Variants in NELL1 observed in about 807,000 individuals in gnomAD.
NELL1 encodes protein kinase C-binding protein NELL1.
Under a neutral mutation model 107.4 loss-of-function variants are expected in NELL1, and 76 were observed. The observed-to-expected ratio is 0.71, with a 90% CI of 0.59 to 0.86. NELL1 has a LOEUF of 0.86. Among genes scored for constraint, NELL1 ranks in the 40% least tolerant of loss-of-function variants. The pLI, the probability that NELL1 is intolerant of heterozygous loss-of-function variation, is 0.00. For synonymous variants in NELL1, 353 were observed against 341.2 expected (o/e 1.03, Z -0.38); for missense variants, 1,024 against 1,005.5 (o/e 1.02, Z -0.25).
chr11:21,303,110 A>ATATCTATATCTATATC (rs1849532261), intron 14 of NELL1, among the ~76,000 whole-genome samples: 1 of 136,488 alleles, frequency 7.3e-6, no homozygotes, highest in Non-Finnish European at 1.6e-5. Flanking sequence ...ATCTATATCT[A>ATATCTATATCTATATC]TATCTATCTT....
chr11:21,226,247 T>C (rs890946825), intron 13 of NELL1, among the ~76,000 whole-genome samples: 2 of 152,328 alleles, frequency 1.3e-5, no homozygotes, highest in South Asian at 4.1e-4. Flanking sequence ...AGGTCATCTA[T>C]TCTCAGTAAG....
At chr11:21,444,819 A>G (rs1402318919) in intron 15 of NELL1, among the ~76,000 whole-genome samples, 1 of 151,862 alleles carries the variant, frequency 6.6e-6, no homozygotes, top group Non-Finnish European at 1.5e-5. Context: ...ACTAGCTCTT[A>G]TTTGTTCTTT....
intron 12 of NELL1, among the ~76,000 whole-genome samples, chr11:21,076,028 C>G (rs1854127290): frequency 6.6e-6 from 1 of 152,132 alleles, no homozygotes; most frequent in Non-Finnish European, 1.5e-5. Context: ...CATAACTGGA[C>G]ATTTTAACTG....
intron 3 of NELL1, among the ~76,000 whole-genome samples, chr11:20,784,211 T>C (rs565866691): frequency 3.9e-5 from 6 of 152,232 alleles, no homozygotes; most frequent in Non-Finnish European, 7.3e-5. Context: ...TGTATGATCT[T>C]CATCGCAAAG....
chr11:21,248,960 G>A (rs1200505783), intron 14 of NELL1, among the ~76,000 whole-genome samples: 1 of 152,130 alleles, frequency 6.6e-6, no homozygotes, highest in Admixed American at 6.6e-5. Flanking sequence ...TGAGGAGGAA[G>A]CCAACAGAGA....
chr11:20,896,781 G>A (rs1353201472), intron 5 of NELL1, among the ~76,000 whole-genome samples: 8 of 152,124 alleles, frequency 5.3e-5, no homozygotes, highest in South Asian at 2.1e-4. Context: ...GACAAACAGA[G>A]AGCCAAATCA....
intron 15 of NELL1, among the ~76,000 whole-genome samples, chr11:21,390,674 A>G (rs1029249898): frequency 3.3e-5 from 5 of 151,816 alleles, no homozygotes; most frequent in African/African-American, 9.7e-5. Context: ...TCTTTATTAC[A>G]CAAATGTTTG....
At chr11:21,213,671 C>G (rs555420503) in intron 13 of NELL1, among the ~76,000 whole-genome samples, 1 of 152,088 alleles carries the variant, frequency 6.6e-6, no homozygotes, top group African/African-American at 2.4e-5. Context: ...AGAATAGAGA[C>G]CCCAGAAACA....
chr11:21,063,310 A>G (rs1853787732), intron 12 of NELL1, among the ~76,000 whole-genome samples: 1 of 152,158 alleles, frequency 6.6e-6, no homozygotes, highest in African/African-American at 2.4e-5. Context: ...CCAACCAGGA[A>G]GCTCTGCTGA....
intron 12 of NELL1, among the ~76,000 whole-genome samples, chr11:21,071,360 T>C (rs1854009556): frequency 6.6e-6 from 1 of 152,184 alleles, no homozygotes; most frequent in Non-Finnish European, 1.5e-5. Flanking sequence ...TAATGCATCT[T>C]AAGCAGTTGG....
chr11:20,994,871 G>A (rs1405622361), intron 12 of NELL1, among the ~76,000 whole-genome samples: 1 of 152,166 alleles, frequency 6.6e-6, no homozygotes, highest in Admixed American at 6.5e-5. Flanking sequence ...GCAATAAAAT[G>A]TCATAAATAA....
chr11:21,116,414 T>G (rs1333396061), intron 13 of NELL1, among the ~76,000 whole-genome samples: 1 of 151,984 alleles, frequency 6.6e-6, no homozygotes, highest in African/African-American at 2.4e-5. Flanking sequence ...AATAGTATCT[T>G]TATGTCAACA....
chr11:20,722,866 G>A (rs922821495), intron 2 of NELL1, among the ~76,000 whole-genome samples: 1 of 152,070 alleles, frequency 6.6e-6, no homozygotes, highest in African/African-American at 2.4e-5. Context: ...AAAGAAAGGA[G>A]GTTTATTTGA....
Position 21,229,218 on chromosome 11 carries a change from T to C in NELL1, c.1427-114T>C, listed in dbSNP as rs556517611. 2,495 of 1,199,384 alleles carry C rather than the reference T, an allele frequency of 2.1e-3. 6 individuals are homozygous for C. The highest frequency in any genetic ancestry group is 2.8e-3 in the South Asian group (198 of 71,672). The allele number at this position is 1,199,384 out of a possible 1,614,324, so 74.3% of individuals were successfully genotyped here. On this transcript the variant is annotated intron_variant, in intron 13 of 19. Coordinates refer to ENST00000357134, the MANE Select transcript of NELL1 (RefSeq NM_006157.5). ...AACTTTTAGGCGCATAGTAAGGTAC[T>C]GACAAGTGGTAGTCACTGTCATTCT...
At chr11:20,700,703 C>A (rs184086076) in intron 2 of NELL1, among the ~76,000 whole-genome samples, 1 of 152,024 alleles carries the variant, frequency 6.6e-6, no homozygotes, top group African/African-American at 2.4e-5. Flanking sequence ...GTTCCCCACC[C>A]TGTGTCCAAG....
intron 14 of NELL1, among the ~76,000 whole-genome samples, chr11:21,281,296 G>T (rs1486589491): frequency 1.3e-5 from 2 of 152,012 alleles, no homozygotes; most frequent in African/African-American, 4.8e-5. Flanking sequence ...TGGTAATAGT[G>T]GCTGTGAGGT....
chr11:21,548,402 A>G (rs765942798), intron 16 of NELL1, among the ~76,000 whole-genome samples: 3 of 151,942 alleles, frequency 2.0e-5, no homozygotes, highest in Admixed American at 6.6e-5. Context: ...ACAGAGGTTT[A>G]ATGGAGAACT....
chr11:21,131,163 G>A (rs181159896), intron 13 of NELL1, among the ~76,000 whole-genome samples: 6 of 152,040 alleles, frequency 3.9e-5, no homozygotes, highest in South Asian at 4.2e-4. Flanking sequence ...CCACCTACCC[G>A]TTTGTTCACT....
chr11:20,878,427 C>G (rs1295535387), intron 4 of NELL1, among the ~76,000 whole-genome samples: 1 of 147,048 alleles, frequency 6.8e-6, no homozygotes, highest in South Asian at 2.3e-4. Flanking sequence ...GCTTTTCCTG[C>G]TCTTTCTGAA....
Sources: gnomAD v4.1 joint callset for allele counts (sites outside exome capture counted in the v4.1 genomes callset) on GRCh38, gnomAD v4.1.1 for gene constraint, MANE v1.5 for transcripts, NCBI Gene and HGNC (gene_info 2026-07-23, HGNC 2026-07-21) for gene names.